Variants in PCNX1 observed in about 807,000 individuals in gnomAD.
PCNX1 encodes pecanex-like protein 1.
A neutral mutation model predicts 242.2 loss-of-function variants in PCNX1; 78 were observed. That is an observed-to-expected ratio of 0.32 (90% CI 0.27 to 0.39). The LOEUF is 0.39. PCNX1 is among the 10% of genes least tolerant of loss of function. The pLI is 1.00. For synonymous variants in PCNX1, 1,024 were observed against 1,032.9 expected (o/e 0.99, Z 0.17); for missense variants, 2,581 against 2,856.5 (o/e 0.90, Z 2.20).
At chr14:71,109,629 C>T in intron 35 of PCNX1, 37 bp downstream of exon 35, 1 of 1,611,734 alleles carries the variant, frequency 6.2e-7, no homozygotes, top group South Asian at 1.1e-5. Flanking sequence ...TGGGGCTCTG[C>T]CTTTTTTGAA....
intron 1 of PCNX1, among the ~76,000 whole-genome samples, chr14:70,931,795 A>C (rs1370772964): frequency 1.3e-5 from 2 of 152,196 alleles, no homozygotes; most frequent in Non-Finnish European, 2.9e-5. Flanking sequence ...GAACATTCAG[A>C]GATCTCAGAC....
rs1411328641 is a variant in PCNX1, at chr14:71,113,803, A to ATAT, written c.*3870_*3872dup. Reference sequence around the variant, plus strand: ...GCTGTCCAGATTGTTAATTTCATTTATATTTATTTTAATTAATTTGTCATG... The same window carrying ATAT: ...GCTGTCCAGATTGTTAATTTCATTTATATTATTTATTTTAATTAATTTGTCATG... On this transcript the variant is annotated 3_prime_UTR_variant, in exon 36 of 36. Coordinates refer to ENST00000304743, the MANE Select transcript of PCNX1 (RefSeq NM_014982.3). 2.0e-5 allele frequency: 3 copies of ATAT among 152,154 alleles called. No individual in the cohort carries two copies. The highest frequency in any genetic ancestry group is 7.2e-5 in the African/African-American group (3 of 41,432). 9.4% of individuals were successfully genotyped at this position (152,154 alleles called of 1,614,324 possible).
At chr14:71,037,073 G>C (rs1445826637) in intron 19 of PCNX1, among the ~76,000 whole-genome samples, 1 of 152,024 alleles carries the variant, frequency 6.6e-6, no homozygotes, top group Non-Finnish European at 1.5e-5. Flanking sequence ...GTTCACTCAT[G>C]ATTTGGCTCT....
rs1253628733 is a variant in PCNX1 at position 70,988,589 on chromosome 14, A to G, written c.2334A>G (p.Ala778=). The change falls in exon 7 of 36, where the codon GCA becomes GCG. Residue 778 remains alanine, a synonymous_variant. Transcript: ENST00000304743. ...CAGCAGCACAAGCCAGCGAGGAGGC[A>G]GTGTCATTTCGCCGTGAACGCAGCA... is the stretch of plus-strand genomic sequence containing the variant. The part of the protein sequence containing the change: ...VSGAAQASEE[A]VSFRRERSTF... 6.2e-7 allele frequency: 1 copy of G among 1,614,114 alleles called. No homozygotes were observed. Among genetic ancestry groups the G allele is most frequent in the Non-Finnish European group, 8.5e-7 (1 of 1,179,974 alleles).
intron 21 of PCNX1, among the ~76,000 whole-genome samples, 193 bp downstream of exon 21, chr14:71,047,298 C>T (rs2060890520): frequency 6.6e-6 from 1 of 152,002 alleles, no homozygotes; most frequent in Non-Finnish European, 1.5e-5. Context: ...TTCTGTACTC[C>T]AGACATCTCA....
intron 7 of PCNX1, among the ~76,000 whole-genome samples, chr14:70,990,265 A>T (rs7154284): frequency 0.022 from 3,336 of 152,102 alleles, 63 homozygotes; most frequent in African/African-American, 0.051. Context: ...AATTAAAAAA[A>T]AATAATAATA....
intron 19 of PCNX1, among the ~76,000 whole-genome samples, chr14:71,043,784 C>T (rs1349662461): frequency 6.6e-6 from 1 of 151,604 alleles, no homozygotes; most frequent in East Asian, 1.9e-4. Flanking sequence ...ACTGAGTTTC[C>T]TTCATATCAT....
intron 16 of PCNX1, chr14:71,031,664 G>A: frequency 2.8e-6 from 2 of 706,164 alleles, no homozygotes; most frequent in South Asian, 2.9e-5. Flanking sequence ...CTCACCGTCA[G>A]TAGGTCCTGC....
chr14:70,922,475 A>G (rs2056414963), intron 1 of PCNX1, among the ~76,000 whole-genome samples: 1 of 152,148 alleles, frequency 6.6e-6, no homozygotes, highest in Non-Finnish European at 1.5e-5. Context: ...AGGTTATATA[A>G]TAAAAATAGG....
In PCNX1 at chr14:71,019,031, G is replaced by A. The variant is rs769895277; in HGVS notation, c.3019G>A (p.Val1007Met). ...FDRNREILENVLAVILAILVA... is the reference protein window; with the variant it reads ...FDRNREILENMLAVILAILVA... ...TAGAAATCGTGAGATCCTGGAAAAT[G>A]TGTTAGCTGTCATCCTGGCTATTCT... The change falls in exon 12 of 36, where the codon GTG becomes ATG. Residue 1007 changes from valine to methionine, a missense_variant. Val to Met is a conservative substitution (Grantham distance 21). Coordinates refer to ENST00000304743, the MANE Select transcript of PCNX1 (RefSeq NM_014982.3). 3 of 1,612,418 alleles carry A rather than the reference G, an allele frequency of 1.9e-6. No individual in the cohort carries two copies. The Admixed American group carries it at 5.0e-5, about 27-fold the overall frequency.
At position 71,111,810 on chromosome 14, in the gene PCNX1, T is replaced by G. The variant is rs897824057; in HGVS notation, c.*1875T>G. ...ACTTCACACTTTACAAAATTTACTG[T>G]TTAAAAATACTTGTCAAATGATTTA... On this transcript the variant is annotated 3_prime_UTR_variant, in exon 36 of 36. Coordinates refer to ENST00000304743, the MANE Select transcript of PCNX1 (RefSeq NM_014982.3). 5 of 152,236 alleles carry G rather than the reference T, an allele frequency of 3.3e-5. No homozygotes were observed. Among genetic ancestry groups the G allele is most frequent in the Non-Finnish European group, 7.4e-5 (5 of 67,962 alleles). 9.4% of individuals were successfully genotyped at this position (152,236 alleles called of 1,614,324 possible).
rs1438138735 is a variant in PCNX1 at position 71,089,681 on chromosome 14, G to A, written c.5589+339G>A. ...GCAGCATGGGGGTAACTGCTCTCATGATTCAATTACCTCCCACCAGTTCCC... is the reference window on the plus strand; with the variant it reads ...GCAGCATGGGGGTAACTGCTCTCATAATTCAATTACCTCCCACCAGTTCCC... On this transcript the variant is annotated intron_variant, in intron 30 of 35. Coordinates refer to ENST00000304743, the MANE Select transcript of PCNX1 (RefSeq NM_014982.3). Among the ~76,000 whole-genome samples the A allele has an allele frequency of 2.0e-5, 3 of 152,190 alleles. No individual in the cohort carries two copies. The East Asian group carries it at 5.8e-4, about 29-fold the overall frequency.
intron 7 of PCNX1, among the ~76,000 whole-genome samples, chr14:70,995,042 T>C (rs1273897784): frequency 2.0e-5 from 3 of 152,168 alleles, no homozygotes; most frequent in African/African-American, 7.2e-5. Context: ...AAATTTGTTA[T>C]GGGAACGTAA....
chr14:70,999,061 A>G (rs1051561045), intron 8 of PCNX1, among the ~76,000 whole-genome samples: 7 of 152,232 alleles, frequency 4.6e-5, no homozygotes, highest in Admixed American at 4.6e-4. Flanking sequence ...AAAATTCTAA[A>G]TAAAACAAGC....
At chr14:70,931,428 G>A (rs1202497687) in intron 1 of PCNX1, among the ~76,000 whole-genome samples, 1 of 152,212 alleles carries the variant, frequency 6.6e-6, no homozygotes, top group Non-Finnish European at 1.5e-5. Context: ...AGGCAGCACT[G>A]CTATTGTTAC....
At chr14:71,083,980 C>T (rs1051021076) in intron 28 of PCNX1, among the ~76,000 whole-genome samples, 3 of 152,098 alleles carry the variant, frequency 2.0e-5, no homozygotes, top group Admixed American at 6.5e-5. Flanking sequence ...TCCTCATCTT[C>T]GTGGATTTAT....
At chr14:70,996,860 T>G (rs2059367897) in intron 8 of PCNX1, among the ~76,000 whole-genome samples, 1 of 152,186 alleles carries the variant, frequency 6.6e-6, no homozygotes, top group Non-Finnish European at 1.5e-5. Context: ...TAATAAAATT[T>G]TATATGCTAC....
intron 26 of PCNX1, among the ~76,000 whole-genome samples, chr14:71,058,668 T>C (rs1476551602): frequency 6.6e-6 from 1 of 152,210 alleles, no homozygotes; most frequent in Non-Finnish European, 1.5e-5. Context: ...TAAGAAGGCT[T>C]GCACCTTAGC....
chr14:70,949,282 T>TACACACACGTTATGCACACACGTGTATAC (rs2057657973), intron 2 of PCNX1, among the ~76,000 whole-genome samples: 1 of 48,268 alleles, frequency 2.1e-5, no homozygotes, highest in East Asian at 3.1e-4. Flanking sequence ...CACACGTGTA[T>TACACACACGTTATGCACACACGTGTATAC]ACACACACGT....
Sources: gnomAD v4.1 joint callset for allele counts (sites outside exome capture counted in the v4.1 genomes callset) on GRCh38, gnomAD v4.1.1 for gene constraint, MANE v1.5 for transcripts, NCBI Gene and HGNC (gene_info 2026-07-23, HGNC 2026-07-21) for gene names.